VPS33B: variants seen among roughly 807,000 people sequenced by gnomAD.
The protein encoded by VPS33B is VPS33B late endosome and lysosome associated.
A neutral mutation model predicts 95.3 loss-of-function variants in VPS33B; 80 were observed. The ratio of observed to expected loss-of-function variants is 0.84; its 90% CI spans 0.70 to 1.01. The LOEUF is 1.01. Among genes scored for constraint, VPS33B ranks in the 50% least tolerant of loss-of-function variants. The pLI is 0.00. For missense variants in VPS33B, 715 were observed against 773.4 expected (o/e 0.92, Z 0.90); for synonymous variants, 280 against 280.4 (o/e 1.00, Z 0.01).
At chr15:91,008,634 T>C (rs1233933658) in intron 6 of VPS33B, among the ~76,000 whole-genome samples, 1 of 152,196 alleles carries the variant, frequency 6.6e-6, no homozygotes, top group Non-Finnish European at 1.5e-5. Context: ...ACACCAGAGA[T>C]ACAGCAGTGA....
chr15:90,999,991 CA>C lies in VPS33B; in HGVS notation c.1582-17del, dbSNP rs1324011886. On this transcript the variant is annotated splice_polypyrimidine_tract_variant and intron_variant, in intron 20 of 22. Transcript: ENST00000333371. This position sits in a 1 kb window ranked among gnomAD's most constrained non-coding sequence, Gnocchi z 5.1. ...GCTCTAGCACCTGGGAAGGTGTAAG[CA>C]CTGTTTTTAAGGCTACAGACAGTAT... 1.2e-6 allele frequency: 2 copies of C among 1,613,946 alleles called. No homozygotes were observed. The highest frequency in any genetic ancestry group is 4.5e-5 in the East Asian group (2 of 44,902).
rs2040709871 is a variant in VPS33B at position 91,009,309 on chromosome 15, T to TCTTTCTTC, written c.403+491_403+492insGAAGAAAG. Among the ~76,000 whole-genome samples the TCTTTCTTC allele has an allele frequency of 3.3e-5, 5 of 151,970 alleles. No individual in the cohort carries two copies. The South Asian group carries it at 6.3e-4, about 19-fold the overall frequency. On this transcript the variant is annotated intron_variant, in intron 6 of 22. Coordinates refer to ENST00000333371, the MANE Select transcript of VPS33B (RefSeq NM_018668.5). This position sits in a 1 kb window ranked among gnomAD's most constrained non-coding sequence, Gnocchi z 4.1. ...TATTTTCTTTCTCTCTCTCTTTCTTTCTTCCTTCCTTCCTTTCTCTGAGTC... is the reference window on the plus strand; with the variant it reads ...TATTTTCTTTCTCTCTCTCTTTCTTTCTTTCTTCCTTCCTTCCTTCCTTTCTCTGAGTC...
Position 91,013,707 on chromosome 15 carries a change from G to C in VPS33B, c.357+97C>G. On this transcript the variant is annotated intron_variant, in intron 5 of 22. Coordinates refer to ENST00000333371, the MANE Select transcript of VPS33B (RefSeq NM_018668.5). The surrounding 1 kb of genome is among the most constrained non-coding windows in gnomAD (Gnocchi z 4.5). ...GTATTCTGTTACAGCAACAGAAAAC[G>C]AACGGAGACAGGGAGGTAGTGCTGT... 3 of 1,297,088 alleles carry C rather than the reference G, an allele frequency of 2.3e-6. No individual in the cohort carries two copies. The highest frequency in any genetic ancestry group is 3.4e-6 in the Non-Finnish European group (3 of 895,452). 80.3% of individuals were successfully genotyped at this position (1,297,088 alleles called of 1,614,324 possible).
Position 91,006,343 on chromosome 15 carries a change from G to A in VPS33B, c.852+29C>T. ...CCTGGTATAAGCAGTGGCCCTAGGT[G>A]GGCCCATTGCTAGCACCCACACCCT... On this transcript the variant is annotated intron_variant, in intron 11 of 22. Coordinates refer to ENST00000333371, the MANE Select transcript of VPS33B (RefSeq NM_018668.5). This position sits in a 1 kb window ranked among gnomAD's most constrained non-coding sequence, Gnocchi z 5.4. 1.2e-6 allele frequency: 2 copies of A among 1,613,492 alleles called. No homozygotes were observed. The highest frequency in any genetic ancestry group is 1.7e-6 in the Non-Finnish European group (2 of 1,179,666).
intron 3 of VPS33B, among the ~76,000 whole-genome samples, chr15:91,016,375 CTTTTTTTTTTTTTTT>C (rs796637381): frequency 1.0e-5 from 1 of 96,016 alleles, no homozygotes; most frequent in Admixed American, 1.3e-4. Context: ...GCAGATTCTT[CTTTTTTTTTTTTTTT>C]TTTTTTTTTT....
rs1448694673 is a variant in VPS33B at position 91,011,683 on chromosome 15, CCT to C, written c.358-1839_358-1838del. Among the ~76,000 whole-genome samples, 36 of 152,148 alleles carry C rather than the reference CCT, an allele frequency of 2.4e-4. No individual in the cohort carries two copies. The highest frequency in any genetic ancestry group is 8.4e-4 in the African/African-American group (35 of 41,516). On this transcript the variant is annotated intron_variant, in intron 5 of 22. Coordinates refer to ENST00000333371, the MANE Select transcript of VPS33B (RefSeq NM_018668.5). This position sits in a 1 kb window ranked among gnomAD's most constrained non-coding sequence, Gnocchi z 5.5. ...ATTATTTTAACTTGTAGGATTATTC[CCT>C]GTTAATACAAATCTGTCCTTGGCCA... is the stretch of plus-strand genomic sequence containing the variant.
At position 91,007,611 on chromosome 15, in the gene VPS33B, C is replaced by T; in HGVS notation, c.499-38G>A. 1 of 1,603,010 alleles carries T rather than the reference C, an allele frequency of 6.2e-7. No individual in the cohort carries two copies. Among genetic ancestry groups the T allele is most frequent in the Admixed American group, 1.7e-5 (1 of 60,008 alleles). ...CACAAGCCACAAAGATATGAATCAA[C>T]CCAGTAGGACCACCTGGAAAGTGGC... On this transcript the variant is annotated intron_variant, in intron 7 of 22. Transcript: ENST00000333371. The surrounding 1 kb of genome is among the most constrained non-coding windows in gnomAD (Gnocchi z 5.3).
At chr15:91,004,852 C>G (rs2040552535) in intron 16 of VPS33B, 25 bp downstream of exon 16, 2 of 1,614,068 alleles carry the variant, frequency 1.2e-6, no homozygotes, top group Non-Finnish European at 1.7e-6. Flanking sequence ...ATCTGACATT[C>G]TCATCTTCAG....
At position 90,999,601 on chromosome 15, in the gene VPS33B, G is replaced by A. The variant is rs920088199; in HGVS notation, c.1774+76C>T. 4 of 1,494,106 alleles carry A rather than the reference G, an allele frequency of 2.7e-6. No individual in the cohort carries two copies. The highest frequency in any genetic ancestry group is 1.9e-4 in the Middle Eastern group (1 of 5,160). The allele number at this position is 1,494,106 out of a possible 1,614,324, so 92.6% of individuals were successfully genotyped here. ...CCCAAAGTGCTGAGATTACAGGTATGAACCACCGTGCCCAGCTGACACTTT... is the reference window on the plus strand; with the variant it reads ...CCCAAAGTGCTGAGATTACAGGTATAAACCACCGTGCCCAGCTGACACTTT... On this transcript the variant is annotated intron_variant, in intron 22 of 22. Transcript: ENST00000333371. This position sits in a 1 kb window ranked among gnomAD's most constrained non-coding sequence, Gnocchi z 5.1.
At chr15:91,001,227 T>C (rs750266842) in intron 19 of VPS33B, among the ~76,000 whole-genome samples, 162 bp downstream of exon 19, 3 of 151,712 alleles carry the variant, frequency 2.0e-5, no homozygotes, top group Non-Finnish European at 4.4e-5. Context: ...GGAGAATCAC[T>C]TGAACCTGGG....
intron 6 of VPS33B, 60 bp from the exon 7 acceptor site, chr15:91,008,024 G>A: frequency 4.0e-6 from 6 of 1,516,074 alleles, no homozygotes; most frequent in Non-Finnish European, 5.5e-6. Context: ...CGTTAAGAGG[G>A]AAGGTCCGCC....
At position 90,999,661 on chromosome 15, in the gene VPS33B, T is replaced by C; in HGVS notation, c.1774+16A>G. On this transcript the variant is annotated intron_variant, in intron 22 of 22. Coordinates refer to ENST00000333371, the MANE Select transcript of VPS33B (RefSeq NM_018668.5). The surrounding 1 kb of genome is among the most constrained non-coding windows in gnomAD (Gnocchi z 5.1). ...ATACAATGCAGGCCAATTCTCACCTTTCTGCTCTCTCTTACCTTTCTCTCT... is the reference window on the plus strand; with the variant it reads ...ATACAATGCAGGCCAATTCTCACCTCTCTGCTCTCTCTTACCTTTCTCTCT... 6.2e-7 allele frequency: 1 copy of C among 1,613,324 alleles called. No homozygotes were observed. Among genetic ancestry groups the C allele is most frequent in the South Asian group, 1.1e-5 (1 of 91,060 alleles).
Position 91,014,433 on chromosome 15 carries a change from T to C in VPS33B, c.240A>G (p.Gln80=). ...ENKPALSSNE[Q]LCFLVRPRIK... is the part of the protein sequence containing the mutation. Reference sequence around the variant, plus strand: ...TGCGGGGTCTGACCAAGAAGCACAATCTATGAGAGAGAAAGAAAAAAAAAC... The same window carrying C: ...TGCGGGGTCTGACCAAGAAGCACAACCTATGAGAGAGAAAGAAAAAAAAAC... The change falls in exon 4 of 23, where the codon CAA becomes CAG. Residue 80 remains glutamine (Q), a splice_region_variant and synonymous_variant. Transcript: ENST00000333371. The C allele has an allele frequency of 6.2e-7, 1 of 1,611,934 alleles. No individual in the cohort carries two copies. Among genetic ancestry groups the C allele is most frequent in the South Asian group, 1.1e-5 (1 of 90,934 alleles).
intron 5 of VPS33B, among the ~76,000 whole-genome samples, chr15:91,012,433 G>A (rs1418974137): frequency 1.3e-5 from 2 of 152,158 alleles, no homozygotes; most frequent in African/African-American, 4.8e-5. Flanking sequence ...CTATCTTCCA[G>A]ATGAGAAAAC....
chr15:91,021,824 GTGA>G (rs2041110811), intron 1 of VPS33B, among the ~76,000 whole-genome samples: 1 of 152,214 alleles, frequency 6.6e-6, no homozygotes, highest in African/African-American at 2.4e-5. Flanking sequence ...CCACCTGTGT[GTGA>G]TAATTTGTGC....
rs1235784552 is a variant in VPS33B at position 90,998,734 on chromosome 15, C to T, written c.*241G>A. ...TTCAAACAGGATTTAGCAAAGGATGCCTCTTCCTGCTCGCATCTTAGCAGC... is the reference window on the plus strand; with the variant it reads ...TTCAAACAGGATTTAGCAAAGGATGTCTCTTCCTGCTCGCATCTTAGCAGC... On this transcript the variant is annotated 3_prime_UTR_variant, in exon 23 of 23. Transcript: ENST00000333371. The surrounding 1 kb of genome is among the most constrained non-coding windows in gnomAD (Gnocchi z 4.8). 3 of 587,114 alleles carry T rather than the reference C, an allele frequency of 5.1e-6. No individual in the cohort carries two copies. Among genetic ancestry groups the T allele is most frequent in the African/African-American group, 1.9e-5 (1 of 53,786 alleles). 36.4% of individuals were successfully genotyped at this position (587,114 alleles called of 1,614,324 possible).
chr15:91,001,869 G>GT (rs1237160371), intron 18 of VPS33B, among the ~76,000 whole-genome samples, 181 bp downstream of exon 18: 2 of 152,184 alleles, frequency 1.3e-5, no homozygotes, highest in Non-Finnish European at 2.9e-5. Flanking sequence ...TCAGCACATG[G>GT]TAAGTGTTTA....
rs2040359624 is a variant in VPS33B at position 90,999,170 on chromosome 15, CAG to C, written c.1775-118_1775-117del. ...CGGGATCACAGCACCAGTTTATAGA[CAG>C]AGACGTGAGTGCCATGCTCTTGGGC... On this transcript the variant is annotated intron_variant, in intron 22 of 22. Transcript: ENST00000333371. This position sits in a 1 kb window ranked among gnomAD's most constrained non-coding sequence, Gnocchi z 5.1. 1.1e-6 allele frequency: 1 copy of C among 939,418 alleles called. No individual in the cohort carries two copies. The allele number at this position is 939,418 out of a possible 1,614,324, so 58.2% of individuals were successfully genotyped here.
chr15:91,014,545 T>C, intron 3 of VPS33B, 112 bp from the exon 4 acceptor site: 1 of 1,197,760 alleles, frequency 8.3e-7, no homozygotes, highest in Non-Finnish European at 1.2e-6. Context: ...ACAGGTCTCA[T>C]CCTAGCCAAA....
Sources: allele counts gnomAD v4.1 joint callset (sites outside exome capture counted in the v4.1 genomes callset), GRCh38; gene constraint gnomAD v4.1.1; non-coding constraint Gnocchi (gnomAD v3.1); transcripts MANE v1.5; gene names NCBI Gene and HGNC (gene_info 2026-07-23, HGNC 2026-07-21).